PHKA1: variants seen among roughly 807,000 people sequenced by gnomAD.
PHKA1 encodes phosphorylase b kinase regulatory subunit alpha, skeletal muscle isoform.
Under a neutral mutation model 110.2 loss-of-function variants are expected in PHKA1, and 60 were observed. The observed-to-expected ratio is 0.54, with a 90% CI of 0.44 to 0.68. The LOEUF is 0.68. Among genes scored for constraint, PHKA1 ranks in the 30% least tolerant of loss-of-function variants. The pLI, the probability that PHKA1 is intolerant of heterozygous loss-of-function variation, is 0.00. For missense variants in PHKA1, 801 were observed against 942.5 expected (o/e 0.85, Z 1.97); for synonymous variants, 316 against 333.6 (o/e 0.95, Z 0.58).
intron 14 of PHKA1, among the ~76,000 whole-genome samples, chrX:72,640,092 GT>G (rs1436012402): frequency 1.8e-5 from 2 of 111,851 alleles, no homozygotes; most frequent in Non-Finnish European, 3.8e-5. Context: ...AGAAAATGCA[GT>G]GAAAATGTAT....
At position 72,596,421 on chromosome X, in the gene PHKA1, A is replaced by T. The variant is rs186215806; in HGVS notation, c.3073-3147T>A. Among the ~76,000 whole-genome samples the T allele has an allele frequency of 7.8e-3, 875 of 111,766 alleles. 13 individuals are homozygous for T. Among genetic ancestry groups the T allele is most frequent in the African/African-American group, 0.027 (832 of 30,793 alleles). ...ATGATACTATATTGTACACTTAAAAATTTTTTAAAGGATAGATCTCATGTT... is the reference window on the plus strand; with the variant it reads ...ATGATACTATATTGTACACTTAAAATTTTTTTAAAGGATAGATCTCATGTT... On this transcript the variant is annotated intron_variant, in intron 28 of 31. Coordinates refer to ENST00000373542, the MANE Select transcript of PHKA1 (RefSeq NM_002637.4).
rs1365496356 is a variant in PHKA1, at chrX:72,628,007, T to C, written c.1715-958A>G. On this transcript the variant is annotated intron_variant, in intron 16 of 31. Coordinates refer to ENST00000373542, the MANE Select transcript of PHKA1 (RefSeq NM_002637.4). ...TAATTTTTTGTATTTTTTTTGTTTTTTTTAGTAGAGACGGGGTTTCACTGT... is the reference window on the plus strand; with the variant it reads ...TAATTTTTTGTATTTTTTTTGTTTTCTTTAGTAGAGACGGGGTTTCACTGT... Among the ~76,000 whole-genome samples the C allele has an allele frequency of 7.3e-5, 8 of 108,871 alleles. No individual in the cohort carries two copies. The Admixed American group carries it at 7.9e-4, about 11-fold the overall frequency. The allele number at this position is 108,871 out of a possible 115,157, so 94.5% of individuals were successfully genotyped here.
intron 23 of PHKA1, 82 bp from the exon 24 acceptor site, chrX:72,605,701 C>T (rs1556250258): frequency 2.9e-6 from 2 of 684,567 alleles, no homozygotes; most frequent in Non-Finnish European, 4.6e-6. Flanking sequence ...GAAGCTTTAT[C>T]CAAGTCCAAG....
At chrX:72,602,475 C>T (rs1429623958) in intron 26 of PHKA1, among the ~76,000 whole-genome samples, 2 of 111,637 alleles carry the variant, frequency 1.8e-5, no homozygotes, top group Non-Finnish European at 3.8e-5. Flanking sequence ...CAGGTCCCAC[C>T]CCAGATCTAC....
At chrX:72,595,764 T>A (rs1358754029) in intron 28 of PHKA1, among the ~76,000 whole-genome samples, 1 of 111,733 alleles carries the variant, frequency 8.9e-6, no homozygotes, top group East Asian at 2.8e-4. Context: ...CCTGTTAGGA[T>A]GACCGTGGTT....
At chrX:72,682,504 A>T (rs2053913617) in intron 5 of PHKA1, among the ~76,000 whole-genome samples, 2 of 109,999 alleles carry the variant, frequency 1.8e-5, no homozygotes, top group South Asian at 8.0e-4. Flanking sequence ...TGGGGAAAAG[A>T]TTGAGAAATC....
At chrX:72,594,982 A>T (rs1443234932) in intron 28 of PHKA1, among the ~76,000 whole-genome samples, 1 of 112,096 alleles carries the variant, frequency 8.9e-6, no homozygotes, top group Non-Finnish European at 1.9e-5. Flanking sequence ...AAAATCAGAC[A>T]AAGATGTCAC....
Position 72,619,214 on chromosome X carries a change from C to T in PHKA1, c.2229G>A (p.Gln743=). The T allele has an allele frequency of 8.7e-7, 1 of 1,145,865 alleles. No individual in the cohort carries two copies. Among genetic ancestry groups the T allele is most frequent in the Non-Finnish European group, 1.2e-6 (1 of 835,883 alleles). 94.4% of individuals were successfully genotyped at this position (1,145,865 alleles called of 1,213,427 possible). A position where few individuals can be genotyped will look rare whatever the true frequency, so the allele number is the denominator to read the frequency against. The change falls in exon 20 of 32, where the codon CAG becomes CAA. Residue 743 remains glutamine, a splice_region_variant and synonymous_variant. Transcript: ENST00000373542. ...LDSPHPRQEN[Q]VPSVRVEIHL... ...AGAAATACCTCCTGCACAAATTTAC[C>T]TGGTTCTCCTGTCGGGGATGAGGTG...
intron 25 of PHKA1, among the ~76,000 whole-genome samples, chrX:72,603,817 A>G (rs2052690937): frequency 9.0e-6 from 1 of 111,333 alleles, no homozygotes; most frequent in Admixed American, 9.6e-5. Flanking sequence ...GGAACATGAA[A>G]ACAAGATAAA....
chrX:72,618,585 TGGATA>T, intron 21 of PHKA1, 120 bp downstream of exon 21: 1 of 553,312 alleles, frequency 1.8e-6, no homozygotes, highest in Non-Finnish European at 3.1e-6. Flanking sequence ...AGTCACATGA[TGGATA>T]GGTTGTTAAA....
Position 72,609,713 on chromosome X carries a change from G to A in PHKA1, c.2527-10C>T. The A allele has an allele frequency of 3.5e-6, 4 of 1,152,438 alleles. No homozygotes were observed. Among genetic ancestry groups the A allele is most frequent in the Non-Finnish European group, 4.8e-6 (4 of 841,717 alleles). 95.0% of individuals were successfully genotyped at this position (1,152,438 alleles called of 1,213,427 possible). ...GAAGGTCTGTGCAGGCCTAACAAGA[G>A]ATAGCATAATATTATCGTTTCTGTA... On this transcript the variant is annotated splice_polypyrimidine_tract_variant and intron_variant, in intron 22 of 31. Transcript: ENST00000373542.
intron 17 of PHKA1, among the ~76,000 whole-genome samples, chrX:72,623,794 G>T (rs1457866553): frequency 9.0e-6 from 1 of 111,517 alleles, no homozygotes; most frequent in Non-Finnish European, 1.9e-5. Flanking sequence ...TTCTAAAGAG[G>T]CCAACTTGAA....
At chrX:72,681,462 C>T (rs1397504681) in intron 5 of PHKA1, among the ~76,000 whole-genome samples, 4 of 88,401 alleles carry the variant, frequency 4.5e-5, no homozygotes, top group African/African-American at 1.2e-4. Flanking sequence ...TCAGCCCCCC[C>T]GCCCGGCCAG....
intron 8 of PHKA1, among the ~76,000 whole-genome samples, chrX:72,661,481 T>C (rs1427145221): frequency 1.8e-5 from 2 of 111,042 alleles, no homozygotes; most frequent in African/African-American, 6.6e-5. Flanking sequence ...CCTCTTCATA[T>C]TTTCAAGATG....
At chrX:72,680,364 C>T (rs892710893) in intron 5 of PHKA1, among the ~76,000 whole-genome samples, 5 of 111,949 alleles carry the variant, frequency 4.5e-5, no homozygotes, top group African/African-American at 1.3e-4. Context: ...ATTCATGTAG[C>T]GGAACAAACA....
intron 3 of PHKA1, among the ~76,000 whole-genome samples, chrX:72,698,203 G>A (rs1245758870): frequency 1.8e-5 from 2 of 110,335 alleles, no homozygotes; most frequent in African/African-American, 6.6e-5. Context: ...AAAAAAAGAG[G>A]GGGTCTTTAT....
rs782560756 is a variant in PHKA1 at position 72,609,627 on chromosome X, G to A, written c.2603C>T (p.Ser868Phe). 10 of 1,194,217 alleles carry A rather than the reference G, an allele frequency of 8.4e-6. No homozygotes were observed. In the Admixed American group the frequency reaches 2.0e-4, roughly 24 times the overall value. The stretch of plus-strand genomic sequence containing the variant: ...GACCAAACCCAGCCATACTCACGCA[G>A]AGATAGTCTTTTCTCGAGGTTCTGG... ...LPPEPREKTI[S>F]APLPYEALTQ... The change falls in exon 23 of 32, where the codon TCT becomes TTT. Residue 868 changes from serine to phenylalanine, a missense_variant. Transcript: ENST00000373542.
chrX:72,633,290 C>G (rs1158704068), intron 16 of PHKA1, among the ~76,000 whole-genome samples: 1 of 110,755 alleles, frequency 9.0e-6, no homozygotes. Context: ...GATCGGGGCC[C>G]TTATAAAAGG....
At chrX:72,604,143 ACT>A (rs2052695820) in intron 25 of PHKA1, among the ~76,000 whole-genome samples, 1 of 107,330 alleles carries the variant, frequency 9.3e-6, no homozygotes, top group African/African-American at 3.5e-5. Flanking sequence ...GAGCAATCAC[ACT>A]CTCTCGCAAA....
Sources: allele counts gnomAD v4.1 joint callset (sites outside exome capture counted in the v4.1 genomes callset), GRCh38; gene constraint gnomAD v4.1.1; transcripts MANE v1.5; gene names NCBI Gene and HGNC (gene_info 2026-07-23, HGNC 2026-07-21).